The following VIRMA variants were observed in gnomAD, a reference collection of about 807,000 sequenced individuals.
VIRMA encodes the protein vir like m6A methyltransferase associated.
In VIRMA, 65 loss-of-function variants were observed where a neutral mutation model predicts 182.4. The ratio of observed to expected loss-of-function variants is 0.36; its 90% confidence interval spans 0.29 to 0.44. The LOEUF is 0.44. Among genes scored for constraint, VIRMA ranks in the 20% least tolerant of loss-of-function variants. The probability of loss-of-function intolerance (pLI) is 1.00; values close to 1 mark genes in which losing one functional copy is unlikely to be tolerated. For missense variants in VIRMA, 1,752 were observed against 2,158.1 expected (o/e 0.81, Z 3.73); for synonymous variants, 709 against 743.1 (o/e 0.95, Z 0.75).
chr8:94,552,150 T>C (rs1167757758), intron 1 of VIRMA, among the ~76,000 whole-genome samples: 10 of 152,260 alleles, frequency 6.6e-5, no homozygotes, highest in Admixed American at 5.9e-4. Flanking sequence ...CAGTGCTAAC[T>C]GACCCACATT....
chr8:94,527,018 C>A lies in VIRMA; in HGVS notation c.1226G>T (p.Ser409Ile). Residue 409 changes from serine (S) to isoleucine (I), a missense_variant, in exon 8 of 24, where the codon AGT becomes ATT. By Grantham distance (142) the Ser-to-Ile change is moderately radical. Around this residue, in one of 11 missense-constraint regions of VIRMA, gnomAD observed 401 missense variants for 455.1 expected, o/e 0.88. Transcript: ENST00000297591. ...KWVTALEEIP[S>I]LIIKGLSYLQ... ...ATAGCTTAACCCTTTTATTATTAAA[C>A]TTGGAATTTCTTCTAAAGCTGTTAC... is the stretch of plus-strand genomic sequence containing the variant. 6.2e-7 allele frequency: 1 copy of A among 1,614,122 alleles called. No individual in the cohort carries two copies. Among genetic ancestry groups the A allele is most frequent in the Non-Finnish European group, 8.5e-7 (1 of 1,179,984 alleles).
chr8:94,533,511 G>T (rs1815237743), intron 5 of VIRMA: 1 of 152,288 alleles, frequency 6.6e-6, no homozygotes, highest in South Asian at 2.0e-4. Context: ...GCATGATCAT[G>T]ACTCATTGCA....
At chr8:94,528,680 C>T (rs1452994183) in intron 7 of VIRMA, among the ~76,000 whole-genome samples, 2 of 152,154 alleles carry the variant, frequency 1.3e-5, no homozygotes, top group African/African-American at 4.8e-5. Context: ...TGGCAGACAT[C>T]TTTAGGAATT....
At chr8:94,519,650 A>G (rs941368697) in intron 8 of VIRMA, among the ~76,000 whole-genome samples, 174 bp from the exon 9 acceptor site, 3 of 152,224 alleles carry the variant, frequency 2.0e-5, no homozygotes, top group African/African-American at 7.2e-5. Flanking sequence ...GATGAGGCCA[A>G]ATAAGAGTGA....
intron 11 of VIRMA, among the ~76,000 whole-genome samples, chr8:94,514,587 G>A (rs1470153): frequency 0.23 from 35,690 of 152,126 alleles, 5,269 homozygotes; most frequent in East Asian, 0.5. Flanking sequence ...ATGTCATCAA[G>A]ATGGTAGGTG....
intron 1 of VIRMA, among the ~76,000 whole-genome samples, chr8:94,546,595 T>C (rs757681622): frequency 2.0e-5 from 3 of 151,244 alleles, no homozygotes; most frequent in Admixed American, 2.0e-4. Context: ...GTTTTTGGGA[T>C]ACAAGTGGTT....
chr8:94,511,853 T>G (rs1269633201), intron 12 of VIRMA, 124 bp from the exon 13 acceptor site: 1 of 688,186 alleles, frequency 1.5e-6, no homozygotes, highest in Non-Finnish European at 2.1e-6. Context: ...ATTTTTATTA[T>G]GACAAATATT....
chr8:94,548,988 C>T (rs1815877922), intron 1 of VIRMA, among the ~76,000 whole-genome samples: 1 of 152,132 alleles, frequency 6.6e-6, no homozygotes, highest in Admixed American at 6.5e-5. Flanking sequence ...AACTCCTGGG[C>T]TCAAGTGATC....
intron 22 of VIRMA, among the ~76,000 whole-genome samples, chr8:94,490,845 C>T (rs1207507852): frequency 4.6e-5 from 7 of 150,666 alleles, no homozygotes; most frequent in Admixed American, 4.0e-4. Flanking sequence ...AAAACTCTGT[C>T]TCCAAAAAAA....
intron 1 of VIRMA, chr8:94,546,731 G>A (rs1470794932): frequency 3.9e-5 from 12 of 304,798 alleles, no homozygotes; most frequent in African/African-American, 9.4e-5. Flanking sequence ...TTCCCCCTCC[G>A]AGTCCCTAAA....
Position 94,489,951 on chromosome 8 carries a change from G to C in VIRMA, c.5272C>G (p.Leu1758Val), listed in dbSNP as rs370514091. ...NRGPLPPLRP[L>V]SSTGYRPSPR... Reference sequence around the variant, plus strand: ...CAAGGATGTATACCTGTAGAACTAAGGGGTCGTAATGGTGGAAGAGGGCCT... The same window carrying C: ...CAAGGATGTATACCTGTAGAACTAACGGGTCGTAATGGTGGAAGAGGGCCT... Residue 1758 changes from leucine to valine, a missense_variant, in exon 23 of 24, where the codon CTT becomes GTT. By Grantham distance (32) the Leu-to-Val change is conservative (BLOSUM62 1). Transcript: ENST00000297591. 7 of 1,613,490 alleles carry C rather than the reference G, an allele frequency of 4.3e-6. No homozygotes were observed. The highest frequency in any genetic ancestry group is 5.9e-6 in the Non-Finnish European group (7 of 1,179,828).
At chr8:94,535,135 C>T (rs1815295956) in intron 4 of VIRMA, 128 bp from the exon 5 acceptor site, 4 of 1,385,866 alleles carry the variant, frequency 2.9e-6, no homozygotes, top group African/African-American at 1.5e-5. Context: ...GCAAAGTCAA[C>T]ACAAAGTGAA....
intron 15 of VIRMA, among the ~76,000 whole-genome samples, chr8:94,509,286 A>G (rs1168036421): frequency 1.3e-5 from 2 of 152,190 alleles, no homozygotes; most frequent in East Asian, 3.9e-4. Flanking sequence ...CTGTAATCCC[A>G]GCTACTCAGG....
chr8:94,513,632 CTCT>C (rs1485693121), intron 11 of VIRMA, among the ~76,000 whole-genome samples: 1 of 152,066 alleles, frequency 6.6e-6, no homozygotes, highest in African/African-American at 2.4e-5. Flanking sequence ...TAAAAATCAA[CTCT>C]TAACTACAGC....
chr8:94,523,448 T>C (rs1814843407), intron 8 of VIRMA, among the ~76,000 whole-genome samples: 2 of 152,334 alleles, frequency 1.3e-5, no homozygotes, highest in Admixed American at 1.3e-4. Flanking sequence ...CTCACTCTGC[T>C]GCCCAGACTG....
chr8:94,541,278 C>T (rs996874447), intron 2 of VIRMA, among the ~76,000 whole-genome samples: 6 of 151,890 alleles, frequency 4.0e-5, no homozygotes, highest in African/African-American at 1.5e-4. Flanking sequence ...TGAGCCACCA[C>T]GCCCAACTAA....
chr8:94,543,011 C>T (rs1475363020), intron 2 of VIRMA, among the ~76,000 whole-genome samples: 6 of 152,000 alleles, frequency 3.9e-5, no homozygotes, highest in African/African-American at 1.2e-4. Context: ...CAGGTTCAAG[C>T]GATTCTCCTG....
At position 94,531,003 on chromosome 8, in the gene VIRMA, A is replaced by T. The variant is rs370289730; in HGVS notation, c.567T>A (p.Pro189=). 41 of 1,603,986 alleles carry T rather than the reference A, an allele frequency of 2.6e-5. No individual in the cohort carries two copies. In the Middle Eastern group the frequency reaches 5.0e-4, roughly 19 times the overall value. The change falls in exon 6 of 24, where the codon CCT becomes CCA. Residue 189 remains proline, a synonymous_variant. Coordinates refer to ENST00000297591, the MANE Select transcript of VIRMA (RefSeq NM_015496.5). Reference sequence around the variant, plus strand: ...GATCATCTTCATCATCATCAGGTGGAGGGGGTCCTGGAGGAGTTCTTGGTC... The same window carrying T: ...GATCATCTTCATCATCATCAGGTGGTGGGGGTCCTGGAGGAGTTCTTGGTC... ...PRGPRTPPGP[P]PPDDDEDDPV... is the part of the protein sequence containing the mutation.
At chr8:94,521,743 C>T (rs1814778197) in intron 8 of VIRMA, among the ~76,000 whole-genome samples, 1 of 152,194 alleles carries the variant, frequency 6.6e-6, no homozygotes, top group Non-Finnish European at 1.5e-5. Context: ...AGTCCTATTA[C>T]TATTTAAACC....
Sources: allele counts gnomAD v4.1 joint callset (sites outside exome capture counted in the v4.1 genomes callset), GRCh38; gene constraint gnomAD v4.1.1; regional missense constraint gnomAD v4.1.1; transcripts MANE v1.5; gene names NCBI Gene and HGNC (gene_info 2026-07-23, HGNC 2026-07-21).